ATP10B: variants seen among roughly 807,000 people sequenced by gnomAD.
ATP10B encodes the protein phospholipid-transporting ATPase VB.
ATP10B carries 122 observed loss-of-function variants against 141.2 expected under a neutral mutation model. That is an observed-to-expected ratio of 0.86 (90% confidence interval 0.75 to 1.00). The LOEUF (loss-of-function observed/expected upper bound fraction) is 1.00, where lower values mean the gene tolerates loss of function less well. ATP10B is among the 50% of genes least tolerant of loss of function. The pLI is 0.00. For synonymous variants in ATP10B, 685 were observed against 692.0 expected, an observed-to-expected ratio of 0.99 and a Z score of 0.16; for missense variants, 1,876 against 1,825.3, an observed-to-expected ratio of 1.03 and a Z score of -0.51.
At chr5:160,766,651 C>T (rs748652518) in intron 2 of ATP10B, among the ~76,000 whole-genome samples, 3 of 151,940 alleles carry the variant, frequency 2.0e-5, no homozygotes, top group Non-Finnish European at 2.9e-5. Context: ...GTACACTGCT[C>T]GGGTGATGGG....
chr5:160,872,059 A>C, the ATP10B span, among the ~76,000 whole-genome samples: 1 of 151,778 alleles, frequency 6.6e-6, no homozygotes, highest in Non-Finnish European at 1.5e-5. Flanking sequence ...AATATCTACT[A>C]TTTTGATTCT....
intron 2 of ATP10B, among the ~76,000 whole-genome samples, chr5:160,759,377 A>G (rs1768864738): frequency 6.6e-6 from 1 of 152,240 alleles, no homozygotes; most frequent in Non-Finnish European, 1.5e-5. Context: ...TGAAGGAAAC[A>G]CAGGTAAACA....
intron 2 of ATP10B, among the ~76,000 whole-genome samples, chr5:160,750,579 A>G (rs1481028045): frequency 6.6e-6 from 1 of 151,676 alleles, no homozygotes; most frequent in Non-Finnish European, 1.5e-5. Context: ...GTTTCACTTT[A>G]GAATGTCCCC....
chr5:160,629,156 G>T (rs1385578648), intron 13 of ATP10B, among the ~76,000 whole-genome samples: 1 of 151,980 alleles, frequency 6.6e-6, no homozygotes, highest in Non-Finnish European at 1.5e-5. Context: ...TGCCAGATGG[G>T]CAGGTGCAGG....
intron 18 of ATP10B, among the ~76,000 whole-genome samples, chr5:160,607,386 T>C (rs966046951): frequency 1.3e-5 from 2 of 152,186 alleles, no homozygotes. Context: ...ACTAATATAA[T>C]GGTAGATAAT....
intron 2 of ATP10B, among the ~76,000 whole-genome samples, chr5:160,721,689 T>C (rs938554927): frequency 1.1e-4 from 16 of 152,184 alleles, no homozygotes; most frequent in Non-Finnish European, 8.8e-5. Flanking sequence ...AAAGAAAACA[T>C]GAAGAAGAGC....
intron 2 of ATP10B, among the ~76,000 whole-genome samples, chr5:160,773,236 T>C (rs948375259): frequency 2.0e-5 from 3 of 152,170 alleles, no homozygotes; most frequent in African/African-American, 4.8e-5. Flanking sequence ...TCCTCAGACA[T>C]GTTGAAAAAT....
chr5:160,775,934 G>C lies in ATP10B; in HGVS notation c.-331+9625C>G, dbSNP rs555761522. Among the ~76,000 whole-genome samples, 51 of 152,210 alleles carry C rather than the reference G, an allele frequency of 3.4e-4. No homozygotes were observed. The South Asian group carries it at 5.0e-3, about 15-fold the overall frequency. ...CTGACTTCATGATACACCTGCCTCT[G>C]CCTAAGCTTCAGATTTTTAACCAGT... is the stretch of plus-strand genomic sequence containing the variant. On this transcript the variant is annotated intron_variant, in intron 2 of 25. Coordinates refer to ENST00000327245, the MANE Select transcript of ATP10B (RefSeq NM_025153.3).
At chr5:160,653,178 ATATAT>A (rs1386329614) in intron 7 of ATP10B, among the ~76,000 whole-genome samples, 6 of 130,684 alleles carry the variant, frequency 4.6e-5, no homozygotes, top group Admixed American at 1.7e-4. Context: ...TATATATACA[ATATAT>A]TATATATACA....
chr5:160,769,668 G>C (rs1769736091), intron 2 of ATP10B, among the ~76,000 whole-genome samples: 2 of 152,200 alleles, frequency 1.3e-5, no homozygotes, highest in South Asian at 4.1e-4. Context: ...ATGTCTGCAA[G>C]AAATTCACCT....
chr5:160,672,971 T>A (rs1263146876), intron 6 of ATP10B, among the ~76,000 whole-genome samples: 2 of 152,318 alleles, frequency 1.3e-5, no homozygotes, highest in East Asian at 3.9e-4. Flanking sequence ...ATAAAGGTGC[T>A]TCCATTTGGA....
the ATP10B span, among the ~76,000 whole-genome samples, chr5:160,923,846 T>C: frequency 2.0e-5 from 3 of 152,158 alleles, no homozygotes; most frequent in African/African-American, 7.2e-5. Context: ...CAAGTCCCAC[T>C]TACTATTAAA....
intron 13 of ATP10B, among the ~76,000 whole-genome samples, chr5:160,628,742 ACT>A (rs1484984234): frequency 2.0e-5 from 3 of 151,676 alleles, no homozygotes; most frequent in African/African-American, 4.9e-5. Context: ...TTACACAAAG[ACT>A]CTCTGCTGAA....
At chr5:160,624,360 ACT>A (rs1758504849) in intron 13 of ATP10B, among the ~76,000 whole-genome samples, 1 of 152,064 alleles carries the variant, frequency 6.6e-6, no homozygotes, top group Non-Finnish European at 1.5e-5. Context: ...TGGAGCACAC[ACT>A]CTTCAAGAAT....
At chr5:160,919,578 T>C in the ATP10B span, among the ~76,000 whole-genome samples, 1 of 152,170 alleles carries the variant, frequency 6.6e-6, no homozygotes, top group Non-Finnish European at 1.5e-5. Flanking sequence ...AAGCAGAGTT[T>C]TAAACAGGTT....
chr5:160,787,105 GACAC>G (rs58517660), intron 1 of ATP10B, among the ~76,000 whole-genome samples: 16,890 of 133,364 alleles, frequency 0.13, 960 homozygotes, highest in Non-Finnish European at 0.14. Context: ...TTTTGACACA[GACAC>G]ACACACACAC....
At chr5:160,637,318 C>T (rs1759487393) in intron 10 of ATP10B, among the ~76,000 whole-genome samples, 3 of 151,878 alleles carry the variant, frequency 2.0e-5, no homozygotes, top group Admixed American at 6.6e-5. Flanking sequence ...CTTACCCATC[C>T]ATCCATTTAT....
At chr5:160,684,213 G>C (rs1206815822) in intron 6 of ATP10B, among the ~76,000 whole-genome samples, 3 of 152,176 alleles carry the variant, frequency 2.0e-5, no homozygotes, top group African/African-American at 7.2e-5. Context: ...CGTTGGGTTT[G>C]ACATTCTAAA....
chr5:160,767,203 C>T (rs1009965861), intron 2 of ATP10B, among the ~76,000 whole-genome samples: 7 of 152,128 alleles, frequency 4.6e-5, no homozygotes, highest in East Asian at 1.9e-4. Context: ...CTCTGGGTAA[C>T]GGGTTGGACA....
Sources: allele counts gnomAD v4.1 joint callset (sites outside exome capture counted in the v4.1 genomes callset), GRCh38; gene constraint gnomAD v4.1.1; transcripts MANE v1.5; gene names NCBI Gene and HGNC (gene_info 2026-07-23, HGNC 2026-07-21).